The following DACH1 variants were observed in gnomAD, a reference collection of about 807,000 sequenced individuals.
DACH1 encodes the protein dachshund homolog 1.
DACH1 carries 12 observed loss-of-function variants against 54.2 expected under a neutral mutation model. The ratio of observed to expected loss-of-function variants is 0.22; its 90% CI spans 0.14 to 0.36. The LOEUF is 0.36. Among genes scored for constraint, DACH1 ranks in the 10% least tolerant of loss-of-function variants. The pLI is 1.00. For synonymous variants in DACH1, 386 were observed against 366.2 expected, an observed-to-expected ratio of 1.05 and a Z score of -0.62; for missense variants, 805 against 929.8, an observed-to-expected ratio of 0.87 and a Z score of 1.75.
chr13:71,725,085 T>G (rs1883410666), intron 1 of DACH1, among the ~76,000 whole-genome samples: 1 of 151,742 alleles, frequency 6.6e-6, no homozygotes, highest in Non-Finnish European at 1.5e-5. Context: ...AAAAAAAAAA[T>G]TCAAAAGAAA....
At chr13:71,510,826 A>T (rs147332595) in intron 6 of DACH1, among the ~76,000 whole-genome samples, 100 of 152,044 alleles carry the variant, frequency 6.6e-4, no homozygotes, top group African/African-American at 2.4e-3. Flanking sequence ...CTATTATTAA[A>T]TGTTGCAGTA....
intron 1 of DACH1, chr13:71,704,450 C>T (rs2138759286): frequency 5.4e-6 from 2 of 367,470 alleles, no homozygotes; most frequent in South Asian, 2.6e-5. Flanking sequence ...AATGTGCGTA[C>T]TGAGTATATG....
At chr13:71,536,201 T>C (rs1404863642) in intron 6 of DACH1, among the ~76,000 whole-genome samples, 1 of 151,380 alleles carries the variant, frequency 6.6e-6, no homozygotes, top group African/African-American at 2.5e-5. Context: ...CTGTATCTTA[T>C]TGATAAATGT....
At position 71,608,473 on chromosome 13, in the gene DACH1, A is replaced by G. The variant is rs1033765174; in HGVS notation, c.1126+22083T>C. 9.2e-5 allele frequency among the ~76,000 whole-genome samples: 14 copies of G among 152,068 alleles called. 1 individual carries two copies. Among genetic ancestry groups the G allele is most frequent in the African/African-American group, 3.1e-4 (13 of 41,440 alleles). On this transcript the variant is annotated intron_variant, in intron 3 of 10. Transcript: ENST00000613252. ...AGACTATCATACCAATAGTCTGGTG[A>G]AGGTTTCACTCTATATTAGACTTTT...
chr13:71,798,316 T>TTACA (rs200627443), intron 1 of DACH1, among the ~76,000 whole-genome samples: 302 of 106,636 alleles, frequency 2.8e-3, no homozygotes, highest in African/African-American at 0.011. Flanking sequence ...AGAGAACTTG[T>TTACA]TACATACATA....
chr13:71,446,058 G>A (rs1352186463), intron 10 of DACH1, among the ~76,000 whole-genome samples: 2 of 152,164 alleles, frequency 1.3e-5, no homozygotes, highest in Non-Finnish European at 2.9e-5. Context: ...TTGCAAAAAT[G>A]AGCGGCAAAA....
intron 6 of DACH1, among the ~76,000 whole-genome samples, chr13:71,504,022 C>A (rs1333312639): frequency 6.6e-6 from 1 of 152,128 alleles, no homozygotes; most frequent in Non-Finnish European, 1.5e-5. Flanking sequence ...TTTTGCAACT[C>A]TCAGAGCATA....
chr13:71,801,604 A>G (rs1887291153), intron 1 of DACH1, among the ~76,000 whole-genome samples: 1 of 152,172 alleles, frequency 6.6e-6, no homozygotes, highest in Non-Finnish European at 1.5e-5. Context: ...TTTGAAACGC[A>G]TTAATTGAAA....
chr13:71,449,655 A>G (rs1311428141), intron 10 of DACH1, among the ~76,000 whole-genome samples: 1 of 152,178 alleles, frequency 6.6e-6, no homozygotes, highest in African/African-American at 2.4e-5. Context: ...ACAAACATGC[A>G]TGTTCTGCAC....
chr13:71,616,298 C>T (rs553997996), intron 3 of DACH1, among the ~76,000 whole-genome samples: 1 of 152,066 alleles, frequency 6.6e-6, no homozygotes, highest in Admixed American at 6.6e-5. Flanking sequence ...ATGATGCATG[C>T]ATGAACAGCT....
intron 6 of DACH1, among the ~76,000 whole-genome samples, chr13:71,524,461 G>A (rs1431238455): frequency 6.6e-6 from 1 of 152,122 alleles, no homozygotes; most frequent in Non-Finnish European, 1.5e-5. Flanking sequence ...TGCATTAAAT[G>A]GGGCGAGATG....
chr13:71,721,368 A>T (rs955194779), intron 1 of DACH1, among the ~76,000 whole-genome samples: 2 of 152,136 alleles, frequency 1.3e-5, no homozygotes, highest in Non-Finnish European at 2.9e-5. Flanking sequence ...TACAATTATA[A>T]TTATCACTAG....
chr13:71,475,355 C>A (rs1281025572), intron 9 of DACH1, 146 bp from the exon 10 acceptor site: 3 of 734,956 alleles, frequency 4.1e-6, no homozygotes, highest in African/African-American at 3.5e-5. Flanking sequence ...AAACTGTAAC[C>A]GTAAGAATTT....
chr13:71,825,591 A>G (rs1442800695), intron 1 of DACH1, among the ~76,000 whole-genome samples: 1 of 152,048 alleles, frequency 6.6e-6, no homozygotes, highest in African/African-American at 2.4e-5. Flanking sequence ...CACTTAGCGC[A>G]ATGTTTTCAA....
At chr13:71,573,355 G>T (rs1885332607) in intron 3 of DACH1, 2 of 698,564 alleles carry the variant, frequency 2.9e-6, no homozygotes, top group Admixed American at 4.3e-5. Context: ...GTCCTATTTT[G>T]CCAACTGATA....
intron 1 of DACH1, among the ~76,000 whole-genome samples, chr13:71,722,651 A>T (rs1883280235): frequency 6.6e-6 from 1 of 152,222 alleles, no homozygotes; most frequent in African/African-American, 2.4e-5. Context: ...TAGAAACAAT[A>T]GTTCTAAATA....
At chr13:71,675,283 GA>G in intron 2 of DACH1, 1 of 1,603,816 alleles carries the variant, frequency 6.2e-7, no homozygotes, top group Non-Finnish European at 8.5e-7. Flanking sequence ...TCTGGTGCGA[GA>G]AATTGCTCAG....
chr13:71,611,368 A>G (rs1209534303), intron 3 of DACH1, among the ~76,000 whole-genome samples: 1 of 152,234 alleles, frequency 6.6e-6, no homozygotes, highest in Non-Finnish European at 1.5e-5. Context: ...TTACTAATGA[A>G]TCGTCCATGG....
chr13:71,499,206 T>C (rs1879713245), intron 6 of DACH1, among the ~76,000 whole-genome samples: 1 of 45,198 alleles, frequency 2.2e-5, no homozygotes, highest in Admixed American at 2.4e-4. Context: ...CTGCTTGACA[T>C]AAGTCATCAG....
Sources: allele counts gnomAD v4.1 joint callset (sites outside exome capture counted in the v4.1 genomes callset), GRCh38; gene constraint gnomAD v4.1.1; transcripts MANE v1.5; gene names NCBI Gene and HGNC (gene_info 2026-07-23, HGNC 2026-07-21).